ZNF468: variants seen among roughly 807,000 people sequenced by gnomAD.
ZNF468 encodes the protein zinc finger protein ZNF468.
ZNF468 carries 8 observed loss-of-function variants against 7.2 expected under a neutral mutation model. That is an observed-to-expected ratio of 1.11 (90% CI 0.65 to 2.01). The LOEUF is 2.01. ZNF468 is among the 30% of genes most tolerant of loss of function. The pLI is 0.00. For synonymous variants in ZNF468, 218 were observed against 214.4 expected, an observed-to-expected ratio of 1.02 and a Z score of -0.15; for missense variants, 608 against 626.5, an observed-to-expected ratio of 0.97 and a Z score of 0.31.
chr19:52,839,875 A>G lies in ZNF468; in HGVS notation c.*850T>C, dbSNP rs542944059. 2.7e-6 allele frequency: 2 copies of G among 739,674 alleles called. No individual in the cohort carries two copies. The highest frequency in any genetic ancestry group is 4.4e-6 in the Non-Finnish European group (2 of 459,290). 45.8% of individuals were successfully genotyped at this position (739,674 alleles called of 1,614,324 possible). A position where few individuals can be genotyped will look rare whatever the true frequency, so the allele number is the denominator to read the frequency against. ...TTGCCACATTTATTACACTTGTAAG[A>G]TCTCTTCACTGTGGATTCTCCAATG... On this transcript the variant is annotated 3_prime_UTR_variant, in exon 4 of 4. Coordinates refer to ENST00000595646, the MANE Select transcript of ZNF468 (RefSeq NM_001008801.2).
At chr19:52,850,799 T>C (rs1032237511) in intron 2 of ZNF468, among the ~76,000 whole-genome samples, 11 of 151,820 alleles carry the variant, frequency 7.2e-5, no homozygotes, top group African/African-American at 2.7e-4. Context: ...CTCGGGAGGC[T>C]GAGGCAGGAG....
intron 2 of ZNF468, among the ~76,000 whole-genome samples, chr19:52,852,940 T>C (rs1172608489): frequency 5.9e-5 from 9 of 151,710 alleles, no homozygotes; most frequent in Non-Finnish European, 1.5e-5. Context: ...CTGCAAGCTC[T>C]GCCTCCGAGG....
In ZNF468 at chr19:52,841,871, T is replaced by A; in HGVS notation, c.423A>T (p.Gly141=). The A allele has an allele frequency of 6.2e-7, 1 of 1,614,118 alleles. No individual in the cohort carries two copies. The highest frequency in any genetic ancestry group is 8.5e-7 in the Non-Finnish European group (1 of 1,180,018). The change falls in exon 4 of 4, where the codon GGA becomes GGT. Residue 141 remains glycine (G), a synonymous_variant. Coordinates refer to ENST00000595646, the MANE Select transcript of ZNF468 (RefSeq NM_001008801.2). ...CAGGCAGATGCAAATGAAAGCTTGATCCAAGCTGATCTTTAATACGCTTGT... is the reference window on the plus strand; with the variant it reads ...CAGGCAGATGCAAATGAAAGCTTGAACCAAGCTGATCTTTAATACGCTTGT... ...AGNKRIKDQL[G]SSFHLHLPEP... is the part of the protein sequence containing the mutation.
chr19:52,839,607 T>C lies in ZNF468; in HGVS notation c.*1118A>G. ...CCTTGGACTGAAGACCCTTCCACAC[T>C]GATGACATTTGTAAGATTTCTGTCC... On this transcript the variant is annotated 3_prime_UTR_variant, in exon 4 of 4. Transcript: ENST00000595646. 1.8e-6 allele frequency: 1 copy of C among 548,606 alleles called. No homozygotes were observed. The highest frequency in any genetic ancestry group is 3.7e-6 in the Non-Finnish European group (1 of 269,970). The allele number at this position is 548,606 out of a possible 1,614,324, so 34.0% of individuals were successfully genotyped here.
rs1056736735 is a variant in ZNF468, at chr19:52,839,719, T to G, written c.*1006A>C. 7.6e-6 allele frequency: 4 copies of G among 528,096 alleles called. No homozygotes were observed. The African/African-American group carries it at 7.7e-5, about 10-fold the overall frequency. 32.7% of individuals were successfully genotyped at this position (528,096 alleles called of 1,614,324 possible). On this transcript the variant is annotated 3_prime_UTR_variant, in exon 4 of 4. Transcript: ENST00000595646. ...TCACACTTGTGAGGTTTCTCTCCTG[T>G]ATGAATCCTCCTATGTTTTGCATAG... is the stretch of plus-strand genomic sequence containing the variant.
intron 3 of ZNF468, among the ~76,000 whole-genome samples, chr19:52,848,035 C>T (rs1416060715): frequency 5.3e-5 from 8 of 152,148 alleles, no homozygotes; most frequent in Admixed American, 2.0e-4. Context: ...GAGGGGCTGG[C>T]GCCCTTCAGA....
Position 52,839,606 on chromosome 19 carries a change from C to T in ZNF468, c.*1119G>A. The T allele has an allele frequency of 9.1e-6, 5 of 548,676 alleles. No homozygotes were observed. Among genetic ancestry groups the T allele is most frequent in the Non-Finnish European group, 1.9e-5 (5 of 270,026 alleles). 34.0% of individuals were successfully genotyped at this position (548,676 alleles called of 1,614,324 possible). A position where few individuals can be genotyped will look rare whatever the true frequency, so the allele number is the denominator to read the frequency against. ...ACCTTGGACTGAAGACCCTTCCACA[C>T]TGATGACATTTGTAAGATTTCTGTC... On this transcript the variant is annotated 3_prime_UTR_variant, in exon 4 of 4. Coordinates refer to ENST00000595646, the MANE Select transcript of ZNF468 (RefSeq NM_001008801.2).
intron 2 of ZNF468, 149 bp downstream of exon 2, chr19:52,854,109 T>A: frequency 6.4e-7 from 1 of 1,567,344 alleles, no homozygotes; most frequent in African/African-American, 1.3e-5. Flanking sequence ...AGACGGAACC[T>A]AAGCGAGATG....
Position 52,841,886 on chromosome 19 carries a change from A to G in ZNF468, c.408T>C (p.Ile136=), listed in dbSNP as rs1189938168. ...GAAAGCTTGATCCAAGCTGATCTTT[A>G]ATACGCTTGTTTCCAGCATGCCTTT... ...HDQRHAGNKR[I]KDQLGSSFHL... Residue 136 remains isoleucine, a synonymous_variant, in exon 4 of 4, where the codon ATT becomes ATC. Coordinates refer to ENST00000595646, the MANE Select transcript of ZNF468 (RefSeq NM_001008801.2). 2.5e-6 allele frequency: 4 copies of G among 1,614,118 alleles called. No homozygotes were observed. The highest frequency in any genetic ancestry group is 1.6e-4 in the Middle Eastern group (1 of 6,062).
intron 3 of ZNF468, among the ~76,000 whole-genome samples, chr19:52,848,629 C>A (rs1050054427): frequency 6.6e-6 from 1 of 152,148 alleles, no homozygotes; most frequent in Non-Finnish European, 1.5e-5. Flanking sequence ...CCACTCACTG[C>A]AACCTTGGCC....
chr19:52,843,120 CAAAAAAAAAAA>C (rs11356842), intron 3 of ZNF468, among the ~76,000 whole-genome samples: 7 of 68,674 alleles, frequency 1.0e-4, no homozygotes, highest in Non-Finnish European at 2.2e-4. Flanking sequence ...GACTCTGTCT[CAAAAAAAAAAA>C]AAAAAAAAAA....
chr19:52,848,167 T>TA (rs750486225), intron 3 of ZNF468, among the ~76,000 whole-genome samples: 4 of 152,176 alleles, frequency 2.6e-5, no homozygotes, highest in Non-Finnish European at 5.9e-5. Flanking sequence ...TCTGAGCTCT[T>TA]ACCTGCATTT....
rs779264109 is a variant in ZNF468, at chr19:52,842,167, A to G, written c.143-16T>C. 4 of 1,560,832 alleles carry G rather than the reference A, an allele frequency of 2.6e-6. No individual in the cohort carries two copies. Among genetic ancestry groups the G allele is most frequent in the Non-Finnish European group, 3.5e-6 (4 of 1,153,012 alleles). On this transcript the variant is annotated splice_polypyrimidine_tract_variant and intron_variant, in intron 3 of 3. Transcript: ENST00000595646. Reference sequence around the variant, plus strand: ...GAAGAGATATCTACAAAATTTAAACACCAATAGGTTTCCAATTAAGTACAG... The same window carrying G: ...GAAGAGATATCTACAAAATTTAAACGCCAATAGGTTTCCAATTAAGTACAG...
chr19:52,849,955 C>CGT (rs1265176333), intron 2 of ZNF468, among the ~76,000 whole-genome samples: 68 of 148,068 alleles, frequency 4.6e-4, no homozygotes, highest in African/African-American at 1.6e-3. Flanking sequence ...AAAAATCAAT[C>CGT]GTGTATATAT....
chr19:52,844,274 A>G (rs550911345), intron 3 of ZNF468, among the ~76,000 whole-genome samples: 122 of 152,100 alleles, frequency 8.0e-4, no homozygotes, highest in African/African-American at 2.7e-3. Context: ...ATAAAGGGAC[A>G]TTAAAGAGGT....
At chr19:52,844,860 G>T (rs2063330490) in intron 3 of ZNF468, among the ~76,000 whole-genome samples, 1 of 152,046 alleles carries the variant, frequency 6.6e-6, no homozygotes, top group Non-Finnish European at 1.5e-5. Context: ...TTTCTAGCAG[G>T]ACAGTGAAAT....
chr19:52,840,287 G>C lies in ZNF468; in HGVS notation c.*438C>G. The C allele has an allele frequency of 2.4e-6, 1 of 410,342 alleles. No individual in the cohort carries two copies. The allele number at this position is 410,342 out of a possible 1,614,324, so 25.4% of individuals were successfully genotyped here. ...AAACCATGTCACATTCATTGTGCTT[G>C]TAAGGTTTCTCTCCACTATGAATTA... On this transcript the variant is annotated 3_prime_UTR_variant, in exon 4 of 4. Transcript: ENST00000595646.
intron 1 of ZNF468, among the ~76,000 whole-genome samples, chr19:52,856,673 A>T (rs1445030551): frequency 1.4e-5 from 2 of 142,686 alleles, no homozygotes; most frequent in Non-Finnish European, 1.6e-5. Flanking sequence ...GAGCCTCCAC[A>T]TTTCTGCCCC....
chr19:52,840,631 T>C lies in ZNF468; in HGVS notation c.*94A>G. ...TTTTTGATTAAAAACCTTGCCACAT[T>C]CATTATGCTTGTAAGGTTTCTCTCC... is the stretch of plus-strand genomic sequence containing the variant. On this transcript the variant is annotated 3_prime_UTR_variant, in exon 4 of 4. Coordinates refer to ENST00000595646, the MANE Select transcript of ZNF468 (RefSeq NM_001008801.2). 6.3e-7 allele frequency: 1 copy of C among 1,593,346 alleles called. No homozygotes were observed. Among genetic ancestry groups the C allele is most frequent in the Non-Finnish European group, 8.6e-7 (1 of 1,161,776 alleles).
Sources: allele counts gnomAD v4.1 joint callset (sites outside exome capture counted in the v4.1 genomes callset), GRCh38; gene constraint gnomAD v4.1.1; transcripts MANE v1.5; gene names NCBI Gene and HGNC (gene_info 2026-07-23, HGNC 2026-07-21).